TECPR2: variants seen among roughly 807,000 people sequenced by gnomAD.
The protein encoded by TECPR2 is tectonin beta-propeller repeat containing 2, also known as tectonin beta-propeller repeat-containing protein 2.
In TECPR2, 65 loss-of-function variants were observed where a neutral mutation model predicts 138.1. The observed-to-expected ratio is 0.47, with a 90% CI of 0.39 to 0.58. The LOEUF (loss-of-function observed/expected upper bound fraction) is 0.58, where lower values mean the gene tolerates loss of function less well. Among genes scored for constraint, TECPR2 ranks in the 20% least tolerant of loss-of-function variants. The pLI is 0.00. For missense variants in TECPR2, 1,553 were observed against 1,824.5 expected, an observed-to-expected ratio of 0.85 and a Z score of 2.71; for synonymous variants, 746 against 749.8, an observed-to-expected ratio of 0.99 and a Z score of 0.08.
chr14:102,445,496 G>A (rs116442314), intron 12 of TECPR2, among the ~76,000 whole-genome samples: 3 of 151,818 alleles, frequency 2.0e-5, no homozygotes, highest in Non-Finnish European at 2.9e-5. Flanking sequence ...AGATGGAGGC[G>A]CTCAGGGGCC....
intron 1 of TECPR2, among the ~76,000 whole-genome samples, chr14:102,368,624 TA>T (rs1887411150): frequency 6.6e-6 from 1 of 151,878 alleles, no homozygotes; most frequent in Non-Finnish European, 1.5e-5. Flanking sequence ...TTTTTTTTTT[TA>T]TTTTTGTCGG....
rs1404285541 is a variant in TECPR2 at position 102,468,656 on chromosome 14, C to T, written c.3789+3367C>T. The stretch of plus-strand genomic sequence containing the variant: ...ATGAAGTCCAGTTTATTAATTTTTT[C>T]TTCATTTGCTTCTGCTTTTAGTTGC... On this transcript the variant is annotated intron_variant, in intron 17 of 19. Transcript: ENST00000359520. Among the ~76,000 whole-genome samples, 9 of 152,228 alleles carry T rather than the reference C, an allele frequency of 5.9e-5. No individual in the cohort carries two copies. In the East Asian group the frequency reaches 1.7e-3, roughly 29 times the overall value.
chr14:102,499,267 G>A lies in TECPR2; in HGVS notation c.*1010G>A, dbSNP rs900465614. 51 of 654,268 alleles carry A rather than the reference G, an allele frequency of 7.8e-5. No individual in the cohort carries two copies. The highest frequency in any genetic ancestry group is 6.5e-5 in the Non-Finnish European group (23 of 355,356). 40.5% of individuals were successfully genotyped at this position (654,268 alleles called of 1,614,324 possible). On this transcript the variant is annotated 3_prime_UTR_variant, in exon 20 of 20. Coordinates refer to ENST00000359520, the MANE Select transcript of TECPR2 (RefSeq NM_014844.5). ...ATGGTGTTTAACTAATGCTGCTGGC[G>A]GACATCCTAAAACCAGATGCATCCT...
At chr14:102,380,979 GT>G (rs566340573) in intron 2 of TECPR2, among the ~76,000 whole-genome samples, 481 of 133,878 alleles carry the variant, frequency 3.6e-3, no homozygotes, top group African/African-American at 9.0e-3. Flanking sequence ...CACCAAGCTT[GT>G]TTTTTTTTTT....
intron 4 of TECPR2, among the ~76,000 whole-genome samples, chr14:102,409,615 T>G (rs1888766825): frequency 6.6e-6 from 1 of 151,978 alleles, no homozygotes; most frequent in Admixed American, 6.6e-5. Flanking sequence ...TCAGCAATTA[T>G]TAGCTGCATG....
chr14:102,376,279 ATCTC>A (rs1216672599), intron 1 of TECPR2, among the ~76,000 whole-genome samples: 1 of 151,984 alleles, frequency 6.6e-6, no homozygotes, highest in Non-Finnish European at 1.5e-5. Flanking sequence ...ATCCCCACTG[ATCTC>A]TCTCTCCTCA....
chr14:102,475,343 C>A (rs1484302577), intron 17 of TECPR2, among the ~76,000 whole-genome samples: 1 of 152,128 alleles, frequency 6.6e-6, no homozygotes, highest in African/African-American at 2.4e-5. Flanking sequence ...CAGGCCGGGG[C>A]AGGGAGGGCT....
Position 102,376,692 on chromosome 14 carries a change from G to A in TECPR2, c.-30G>A. ...ATGACAAATAAACATTCCTTTTCCTGCGTGAAGATAGTCTGTGGAAACCTT... is the reference window on the plus strand; with the variant it reads ...ATGACAAATAAACATTCCTTTTCCTACGTGAAGATAGTCTGTGGAAACCTT... On this transcript the variant is annotated 5_prime_UTR_variant, in exon 2 of 20. Coordinates refer to ENST00000359520, the MANE Select transcript of TECPR2 (RefSeq NM_014844.5). The A allele has an allele frequency of 1.2e-6, 2 of 1,600,808 alleles. No homozygotes were observed. Among genetic ancestry groups the A allele is most frequent in the Non-Finnish European group, 1.7e-6 (2 of 1,168,100 alleles).
intron 2 of TECPR2, among the ~76,000 whole-genome samples, chr14:102,399,114 G>A (rs1888398393): frequency 1.3e-5 from 2 of 152,126 alleles, no homozygotes; most frequent in Non-Finnish European, 2.9e-5. Context: ...ACAAAAATTA[G>A]CCAGGGATGG....
intron 10 of TECPR2, chr14:102,438,424 T>A (rs1402234820): frequency 1.9e-6 from 1 of 533,286 alleles, no homozygotes; most frequent in Non-Finnish European, 3.2e-6. Context: ...TGTAAATGGG[T>A]GTTCAGTTTG....
At chr14:102,431,684 T>C (rs376626303) in intron 7 of TECPR2, 112 bp from the exon 8 acceptor site, 11 of 1,104,310 alleles carry the variant, frequency 1.0e-5, no homozygotes, top group South Asian at 1.7e-5. Flanking sequence ...TTCAGTTCTT[T>C]AGCTGGCTGG....
chr14:102,367,911 A>G (rs1259022316), intron 1 of TECPR2, among the ~76,000 whole-genome samples: 1 of 143,746 alleles, frequency 7.0e-6, no homozygotes, highest in African/African-American at 2.6e-5. Flanking sequence ...CCTAGTGGGT[A>G]TGAAGTGGTA....
At chr14:102,402,743 A>G (rs1888526268) in intron 2 of TECPR2, among the ~76,000 whole-genome samples, 1 of 152,190 alleles carries the variant, frequency 6.6e-6, no homozygotes, top group Non-Finnish European at 1.5e-5. Context: ...AAAAAGGATT[A>G]TGACAGGATG....
chr14:102,445,684 C>T (rs1244100590), intron 12 of TECPR2, 122 bp from the exon 13 acceptor site: 3 of 1,311,398 alleles, frequency 2.3e-6, no homozygotes, highest in Non-Finnish European at 3.1e-6. Context: ...TGCTGATCCG[C>T]TCCAGGGCCA....
intron 17 of TECPR2, among the ~76,000 whole-genome samples, chr14:102,480,841 GT>G (rs71119706): frequency 7.4e-4 from 56 of 75,208 alleles, no homozygotes; most frequent in South Asian, 7.4e-3. Context: ...TTGGTTTTGG[GT>G]TTTTTTTTTT....
At chr14:102,389,501 C>A (rs1487969995) in intron 2 of TECPR2, among the ~76,000 whole-genome samples, 2 of 152,114 alleles carry the variant, frequency 1.3e-5, no homozygotes, top group Non-Finnish European at 2.9e-5. Flanking sequence ...AGAAAAGATA[C>A]ATAGATCACT....
At chr14:102,371,776 T>G (rs1887514257) in intron 1 of TECPR2, among the ~76,000 whole-genome samples, 1 of 152,202 alleles carries the variant, frequency 6.6e-6, no homozygotes. Context: ...TTGAGAAAAT[T>G]TTGGTTTATC....
intron 16 of TECPR2, among the ~76,000 whole-genome samples, chr14:102,457,655 G>A (rs1004538577): frequency 6.6e-6 from 1 of 152,110 alleles, no homozygotes; most frequent in African/African-American, 2.4e-5. Flanking sequence ...AGCACTTTGG[G>A]AGGACTGCTT....
chr14:102,439,429 T>A (rs1264576600), intron 10 of TECPR2, among the ~76,000 whole-genome samples: 1 of 152,180 alleles, frequency 6.6e-6, no homozygotes. Context: ...TTTCACTGTT[T>A]GTTTGAAAAA....
Sources: allele counts gnomAD v4.1 joint callset (sites outside exome capture counted in the v4.1 genomes callset), GRCh38; gene constraint gnomAD v4.1.1; transcripts MANE v1.5; gene names NCBI Gene and HGNC (gene_info 2026-07-23, HGNC 2026-07-21).